Variants in CRISPLD2 observed in about 807,000 individuals in gnomAD.
CRISPLD2 encodes the protein cysteine-rich secretory protein LCCL domain-containing 2.
In CRISPLD2, 47 loss-of-function variants were observed where a neutral mutation model predicts 71.1. The ratio of observed to expected loss-of-function variants is 0.66; its 90% CI spans 0.52 to 0.84. The LOEUF (loss-of-function observed/expected upper bound fraction) is 0.84, where lower values mean the gene tolerates loss of function less well. CRISPLD2 is among the 40% of genes least tolerant of loss of function. The probability of loss-of-function intolerance (pLI) is 0.00; values close to 1 mark genes in which losing one functional copy is unlikely to be tolerated. For missense variants in CRISPLD2, 830 were observed against 651.1 expected (o/e 1.27, Z -2.99); for synonymous variants, 317 against 250.1 (o/e 1.27, Z -2.52).
intron 11 of CRISPLD2, 95 bp from the exon 12 acceptor site, chr16:84,877,343 A>T (rs2071528109): frequency 9.1e-7 from 1 of 1,094,066 alleles, no homozygotes; most frequent in Non-Finnish European, 1.4e-6. Flanking sequence ...GGGAACCCAT[A>T]GGCCCTGGTA....
intron 8 of CRISPLD2, among the ~76,000 whole-genome samples, chr16:84,870,194 C>A (rs1459964709): frequency 6.6e-6 from 1 of 152,000 alleles, no homozygotes; most frequent in African/African-American, 2.4e-5. Context: ...AAAGCAATAA[C>A]AACAACAAAA....
intron 1 of CRISPLD2, among the ~76,000 whole-genome samples, chr16:84,832,283 C>T (rs552612528): frequency 1.3e-5 from 2 of 152,248 alleles, no homozygotes; most frequent in African/African-American, 4.8e-5. Context: ...CACCCACAGA[C>T]GTGAACTCAA....
intron 14 of CRISPLD2, among the ~76,000 whole-genome samples, chr16:84,893,577 T>G (rs1383236260): frequency 2.0e-5 from 3 of 152,210 alleles, no homozygotes; most frequent in Admixed American, 1.3e-4. Flanking sequence ...ATTTGCCATC[T>G]AGTGAGAGGA....
At chr16:84,869,169 G>A (rs532082497) in intron 8 of CRISPLD2, among the ~76,000 whole-genome samples, 6 of 152,320 alleles carry the variant, frequency 3.9e-5, no homozygotes, top group South Asian at 4.1e-4. Flanking sequence ...ATGGGCCACC[G>A]GTATATTCCC....
At chr16:84,875,257 A>ATATGTGTGTG (rs1555564055) in intron 11 of CRISPLD2, among the ~76,000 whole-genome samples, 2,441 of 148,290 alleles carry the variant, frequency 0.016, 64 homozygotes, top group African/African-American at 0.058. Context: ...ATATATACAT[A>ATATGTGTGTG]TGTGTGTGTG....
chr16:84,903,733 A>G (rs2071776241), intron 14 of CRISPLD2, among the ~76,000 whole-genome samples: 1 of 152,260 alleles, frequency 6.6e-6, no homozygotes, highest in East Asian at 1.9e-4. Context: ...AGCAGGATGC[A>G]TGGGAAATCT....
chr16:84,866,070 G>C (rs1917526553), intron 6 of CRISPLD2, among the ~76,000 whole-genome samples: 1 of 152,062 alleles, frequency 6.6e-6, no homozygotes, highest in African/African-American at 2.4e-5. Context: ...GGATGGAAGT[G>C]GGCTGGTGTG....
chr16:84,860,092 C>CCTTCCTCT (rs75309741), intron 6 of CRISPLD2, among the ~76,000 whole-genome samples: 123,171 of 151,548 alleles, frequency 0.81, 50,150 homozygotes, highest in East Asian at 0.91. Context: ...CCTTTGGATC[C>CCTTCCTCT]ACATTAAACC....
At chr16:84,856,275 C>T (rs1277737650) in intron 6 of CRISPLD2, among the ~76,000 whole-genome samples, 3 of 152,166 alleles carry the variant, frequency 2.0e-5, no homozygotes, top group Non-Finnish European at 4.4e-5. Context: ...TCCTGTATTC[C>T]ACGCATACTC....
chr16:84,904,592 G>GT (rs2071784715), intron 14 of CRISPLD2, among the ~76,000 whole-genome samples: 1 of 146,474 alleles, frequency 6.8e-6, no homozygotes, highest in Non-Finnish European at 1.5e-5. Context: ...TCAAAAAAAG[G>GT]TAAAAAAAAA....
chr16:84,856,819 C>G (rs940151722), intron 6 of CRISPLD2, among the ~76,000 whole-genome samples: 2 of 152,212 alleles, frequency 1.3e-5, no homozygotes, highest in Admixed American at 1.3e-4. Flanking sequence ...ATTCCATGAG[C>G]ATGAGCCCAC....
chr16:84,824,497 CTTTCCA>C (rs1456479297), intron 1 of CRISPLD2, among the ~76,000 whole-genome samples: 5 of 152,200 alleles, frequency 3.3e-5, no homozygotes, highest in Admixed American at 2.6e-4. Flanking sequence ...ATTCTCTGTT[CTTTCCA>C]TTCTCTGTTC....
chr16:84,907,498 T>G lies in CRISPLD2; in HGVS notation c.*856T>G, dbSNP rs1231058197. 2 of 152,274 alleles carry G rather than the reference T, an allele frequency of 1.3e-5. No individual in the cohort carries two copies. Among genetic ancestry groups the G allele is most frequent in the East Asian group, 3.8e-4 (2 of 5,206 alleles). The allele number at this position is 152,274 out of a possible 1,614,324, so 9.4% of individuals were successfully genotyped here. ...CTGCCTCGGACTGGTTTACGTGTCC[T>G]GGTTCACACCCAGGACTTTTCTTTG... is the stretch of plus-strand genomic sequence containing the variant. On this transcript the variant is annotated 3_prime_UTR_variant, in exon 15 of 15. Coordinates refer to ENST00000262424, the MANE Select transcript of CRISPLD2 (RefSeq NM_031476.4).
chr16:84,849,180 C>T, intron 3 of CRISPLD2: 1 of 559,388 alleles, frequency 1.8e-6, no homozygotes, highest in South Asian at 2.2e-5. Context: ...TCCCTCCCTC[C>T]TCGCTGCCCG....
chr16:84,873,131 T>C lies in CRISPLD2; in HGVS notation c.1112+9T>C, dbSNP rs1469990739. On this transcript the variant is annotated intron_variant, in intron 10 of 14. Coordinates refer to ENST00000262424, the MANE Select transcript of CRISPLD2 (RefSeq NM_031476.4). ...GGCGTGCAGTCCCTCAGGTAACTAC[T>C]CTGTGATCGGGGCTCTGTGAAACGG... 1.2e-6 allele frequency: 2 copies of C among 1,608,736 alleles called. No individual in the cohort carries two copies. Among genetic ancestry groups the C allele is most frequent in the Non-Finnish European group, 1.7e-6 (2 of 1,177,924 alleles).
At position 84,854,767 on chromosome 16, in the gene CRISPLD2, G is replaced by A. The variant is rs199608437; in HGVS notation, c.647G>A (p.Arg216Gln). Residue 216 changes from arginine to glutamine, a missense_variant, in exon 6 of 15, where the codon CGG becomes CAG. Coordinates refer to ENST00000262424, the MANE Select transcript of CRISPLD2 (RefSeq NM_031476.4). ...GGAGAAGCCCCCTACAAGAATGGCCGGCCCTGCTCTGAGTGCCCACCCAGC... is the reference window on the plus strand; with the variant it reads ...GGAGAAGCCCCCTACAAGAATGGCCAGCCCTGCTCTGAGTGCCCACCCAGC... ...WIGEAPYKNG[R>Q]PCSECPPSYG... 2.7e-5 allele frequency: 43 copies of A among 1,614,136 alleles called. No individual in the cohort carries two copies. The highest frequency in any genetic ancestry group is 6.7e-5 in the African/African-American group (5 of 75,034).
intron 2 of CRISPLD2, among the ~76,000 whole-genome samples, chr16:84,844,079 C>T (rs1278997446): frequency 2.0e-5 from 3 of 152,228 alleles, no homozygotes; most frequent in Non-Finnish European, 2.9e-5. Flanking sequence ...GAGCATCTGT[C>T]GGGAGGACTC....
intron 13 of CRISPLD2, among the ~76,000 whole-genome samples, chr16:84,885,600 C>T (rs1054947949): frequency 2.6e-5 from 4 of 152,114 alleles, no homozygotes; most frequent in South Asian, 2.1e-4. Flanking sequence ...CGCCCTCATC[C>T]GTTTAGTTTA....
chr16:84,897,263 G>T (rs559573639), intron 14 of CRISPLD2, among the ~76,000 whole-genome samples: 1 of 150,424 alleles, frequency 6.6e-6, no homozygotes, highest in Non-Finnish European at 1.5e-5. Flanking sequence ...GACCAACAGG[G>T]TGTAATCCCA....
Sources: gnomAD v4.1 joint callset for allele counts (sites outside exome capture counted in the v4.1 genomes callset) on GRCh38, gnomAD v4.1.1 for gene constraint, MANE v1.5 for transcripts, NCBI Gene and HGNC (gene_info 2026-07-23, HGNC 2026-07-21) for gene names.